DNAH2: variants seen among roughly 807,000 people sequenced by gnomAD.
The protein encoded by DNAH2 is dynein axonemal heavy chain 2.
In DNAH2, 323 loss-of-function variants were observed where a neutral mutation model predicts 523.5. The observed-to-expected ratio is 0.62, with a 90% CI of 0.56 to 0.68. The LOEUF (loss-of-function observed/expected upper bound fraction) is 0.68. Ranked by LOEUF, DNAH2 falls within the 30% of genes least tolerant of loss-of-function variation. DNAH2 has a pLI of 0.00. For synonymous variants in DNAH2, 2,093 were observed against 2,177.4 expected (o/e 0.96, Z 1.08); for missense variants, 4,907 against 5,701.5 (o/e 0.86, Z 4.49).
At chr17:7,738,046 G>A (rs1455855702) in intron 8 of DNAH2, 1 of 703,504 alleles carries the variant, frequency 1.4e-6, no homozygotes, top group Non-Finnish European at 2.6e-6. Flanking sequence ...CCAGCAAGGA[G>A]GACCTGCAAG....
At chr17:7,793,482 T>TCTTC in intron 48 of DNAH2, among the ~76,000 whole-genome samples, 1 of 135,166 alleles carries the variant, frequency 7.4e-6, no homozygotes, top group Admixed American at 7.5e-5. Context: ...TTTCTTTCTT[T>TCTTC]CTTTCTTTCT....
In DNAH2 at chr17:7,766,450, C is replaced by T. The variant is rs2076169885; in HGVS notation, c.3644C>T (p.Pro1215Leu). The change falls in exon 22 of 86, where the codon CCA (proline) becomes CTA (leucine). Residue 1215 changes from proline (P) to leucine (L), a missense_variant. By Grantham distance (98) the Pro-to-Leu change is moderately conservative. This residue lies in a region of DNAH2 where 2,806 missense variants were observed against 3,190.8 expected (regional missense o/e 0.88). Transcript: ENST00000572933. ...CTGGGCATCTTCAAGATCGAGCAGCCACCCTCCAAGGACCTTCAGAACCTG... is the reference window on the plus strand; with the variant it reads ...CTGGGCATCTTCAAGATCGAGCAGCTACCCTCCAAGGACCTTCAGAACCTG... Reference protein sequence around the residue: ...ANLGIFKIEQPPSKDLQNLEK... With the variant: ...ANLGIFKIEQLPSKDLQNLEK... 2 of 1,613,798 alleles carry T rather than the reference C, an allele frequency of 1.2e-6. No individual in the cohort carries two copies. The highest frequency in any genetic ancestry group is 1.7e-5 in the Admixed American group (1 of 59,996).
At chr17:7,757,353 C>T in intron 13 of DNAH2, 116 bp downstream of exon 13, 1 of 1,349,098 alleles carries the variant, frequency 7.4e-7, no homozygotes, top group Middle Eastern at 2.3e-4. Flanking sequence ...ACATCTTTTC[C>T]ATCTCAAAAA....
rs1003160173 is a variant in DNAH2, at chr17:7,764,154, G to T, written c.3217G>T (p.Val1073Phe). ...TCCGCAGACACTGGAGGAACTGGGG[G>T]TCAGCTTGCAGCTCGTGGATGCCCT... ...RPPQTLEELG[V>F]SLQLVDALKH... The change falls in exon 20 of 86, where the codon GTC (valine) becomes TTC (phenylalanine). Residue 1073 changes from valine to phenylalanine, a missense_variant. Transcript: ENST00000572933. 1 of 1,614,204 alleles carries T rather than the reference G, an allele frequency of 6.2e-7. No individual in the cohort carries two copies. The highest frequency in any genetic ancestry group is 8.5e-7 in the Non-Finnish European group (1 of 1,180,040).
chr17:7,832,786 T>G lies in DNAH2; in HGVS notation c.12903+31T>G, dbSNP rs199523399. On this transcript the variant is annotated intron_variant, in intron 83 of 85. Transcript: ENST00000572933. This position sits in a 1 kb window ranked among gnomAD's most constrained non-coding sequence, Gnocchi z 4.3. ...CAATGTGCAAAGTGTGAGGGGGGGA[T>G]GTATGCTGGGGCCATGTATGTGTTC... 6.2e-7 allele frequency: 1 copy of G among 1,614,064 alleles called. No homozygotes were observed. The highest frequency in any genetic ancestry group is 2.2e-5 in the East Asian group (1 of 44,862).
At chr17:7,824,841 A>C (rs559563669) in intron 77 of DNAH2, 114 bp downstream of exon 77, 40 of 861,106 alleles carry the variant, frequency 4.6e-5, no homozygotes, top group Non-Finnish European at 6.5e-5. Flanking sequence ...TCCTCAAAAA[A>C]TTCCACCTCA....
At chr17:7,764,392 G>T in intron 20 of DNAH2, 119 bp downstream of exon 20, 2 of 1,272,428 alleles carry the variant, frequency 1.6e-6, no homozygotes, top group Non-Finnish European at 1.1e-6. Context: ...CTCTAGATTT[G>T]AAAGCCAAAG....
chr17:7,821,782 C>T lies in DNAH2; in HGVS notation c.11142+413C>T, dbSNP rs1444575236. Among the ~76,000 whole-genome samples the T allele has an allele frequency of 6.6e-6, 1 of 152,288 alleles. No homozygotes were observed. The highest frequency in any genetic ancestry group is 1.5e-5 in the Non-Finnish European group (1 of 68,028). ...ATCCAGCTCCTCTTCCCCTCTGTCC[C>T]TGCGCGGCCAGTGCACTGAGCATGG... On this transcript the variant is annotated intron_variant, in intron 73 of 85. Coordinates refer to ENST00000572933, the MANE Select transcript of DNAH2 (RefSeq NM_020877.5). This position sits in a 1 kb window ranked among gnomAD's most constrained non-coding sequence, Gnocchi z 5.0.
chr17:7,824,182 C>A lies in DNAH2; in HGVS notation c.11540C>A (p.Pro3847His). 6.2e-7 allele frequency: 1 copy of A among 1,603,904 alleles called. No homozygotes were observed. ...LVFILSPGVD[P>H]TSALLQLAEH... ...TTCATCCTGTCCCCTGGTGTGGACCCCACCAGTGCCCTGCTGCAGCTGGCA... is the reference window on the plus strand; with the variant it reads ...TTCATCCTGTCCCCTGGTGTGGACCACACCAGTGCCCTGCTGCAGCTGGCA... Residue 3847 changes from proline (P) to histidine (H), a missense_variant, in exon 76 of 86, where the codon CCC (proline) becomes CAC (histidine). Transcript: ENST00000572933.
rs2076467771 is a variant in DNAH2 at position 7,776,873 on chromosome 17, T to C, written c.5042T>C (p.Val1681Ala). The part of the protein sequence containing the change: ...KERADKKILK[V>A]MKKNQVSILN... ...CGGGCAGACAAGAAAATCCTCAAGG[T>C]CATGAAGAAGAACCAGGTGAGAGGC... Residue 1681 changes from valine (V) to alanine (A), a missense_variant, in exon 32 of 86, where the codon GTC becomes GCC. Transcript: ENST00000572933. The C allele has an allele frequency of 6.2e-6, 10 of 1,611,256 alleles. No individual in the cohort carries two copies. The Admixed American group carries it at 1.5e-4, about 24-fold the overall frequency.
rs866209734 is a variant in DNAH2 at position 7,738,172 on chromosome 17, G to C, written c.1170+914G>C. 1.3e-5 allele frequency: 9 copies of C among 697,652 alleles called. No individual in the cohort carries two copies. The Middle Eastern group carries it at 2.1e-3, about 160-fold the overall frequency. The allele number at this position is 697,652 out of a possible 1,614,324, so 43.2% of individuals were successfully genotyped here. A position where few individuals can be genotyped will look rare whatever the true frequency, so the allele number is the denominator to read the frequency against. On this transcript the variant is annotated intron_variant, in intron 8 of 85. Transcript: ENST00000572933. Reference sequence around the variant, plus strand: ...ATGTCTCAACTCCCTTGTCAGCCCTGTAAGAGGGTAGATTCTGACTTCTTT... The same window carrying C: ...ATGTCTCAACTCCCTTGTCAGCCCTCTAAGAGGGTAGATTCTGACTTCTTT...
Position 7,780,768 on chromosome 17 carries a change from C to CT in DNAH2, c.5990dup (p.Thr1998AspfsTer2), listed in dbSNP as rs759385352. 6.2e-7 allele frequency: 1 copy of CT among 1,614,232 alleles called. No individual in the cohort carries two copies. The highest frequency in any genetic ancestry group is 8.5e-7 in the Non-Finnish European group (1 of 1,180,048). Reference sequence around the variant, plus strand: ...CAAGAAGCGCCGCCTACAGCCGGATCTGACTGATGAAGAGGTAGAGCAAGG... The same window carrying CT: ...CAAGAAGCGCCGCCTACAGCCGGATCTTGACTGATGAAGAGGTAGAGCAAGG... On this transcript the variant is annotated frameshift_variant, in exon 38 of 86. Coordinates refer to ENST00000572933, the MANE Select transcript of DNAH2 (RefSeq NM_020877.5). LOFTEE classifies it high-confidence loss of function. This position sits in a 1 kb window ranked among gnomAD's most constrained non-coding sequence, Gnocchi z 4.4.
chr17:7,728,099 C>T (rs1368569640), intron 4 of DNAH2, among the ~76,000 whole-genome samples: 1 of 152,114 alleles, frequency 6.6e-6, no homozygotes, highest in African/African-American at 2.4e-5. Flanking sequence ...TGGCCGCTAT[C>T]CCAGAGAGTG....
At chr17:7,769,082 T>C (rs1172401071) in intron 24 of DNAH2, among the ~76,000 whole-genome samples, 5 of 152,220 alleles carry the variant, frequency 3.3e-5, no homozygotes. Context: ...TGCTGGCTTC[T>C]TGTTCTCTGA....
At position 7,756,937 on chromosome 17, in the gene DNAH2, C is replaced by T. The variant is rs372889797; in HGVS notation, c.1905-154C>T. On this transcript the variant is annotated intron_variant, in intron 12 of 85. Coordinates refer to ENST00000572933, the MANE Select transcript of DNAH2 (RefSeq NM_020877.5). The stretch of plus-strand genomic sequence containing the variant: ...CCGCCTGCCTCGGCCCCACAAAGTG[C>T]TGGGATTACAGGCGTGAGCCACCAT... 4.9e-4 allele frequency among the ~76,000 whole-genome samples: 75 copies of T among 152,360 alleles called. 3 individuals are homozygous for T. The South Asian group carries it at 0.015, about 30-fold the overall frequency.
At chr17:7,792,101 C>G (rs2076913257) in intron 45 of DNAH2, 32 bp downstream of exon 45, 4 of 1,611,092 alleles carry the variant, frequency 2.5e-6, no homozygotes, top group Non-Finnish European at 3.4e-6. Flanking sequence ...CCTATTTGCC[C>G]TGTTTTTCCA....
chr17:7,801,987 A>G lies in DNAH2; in HGVS notation c.8942A>G (p.Lys2981Arg). Reference sequence around the variant, plus strand: ...AGACACAACTATGTCACACCCACCAAATACCTGGAACTCCTGTCTGGATAT... The same window carrying G: ...AGACACAACTATGTCACACCCACCAGATACCTGGAACTCCTGTCTGGATAT... ...LRRHNYVTPT[K>R]YLELLSGYKK... Residue 2981 changes from lysine (K) to arginine (R), a missense_variant, in exon 58 of 86, where the codon AAA (lysine) becomes AGA (arginine). Around this residue, in one of 3 missense-constraint regions of DNAH2, gnomAD observed 1,851 missense variants for 2,139.4 expected, o/e 0.87. Transcript: ENST00000572933. The G allele has an allele frequency of 6.2e-7, 1 of 1,614,146 alleles. No homozygotes were observed. Among genetic ancestry groups the G allele is most frequent in the Non-Finnish European group, 8.5e-7 (1 of 1,180,034 alleles).
chr17:7,724,390 T>C (rs766209348), intron 3 of DNAH2, among the ~76,000 whole-genome samples: 18 of 152,028 alleles, frequency 1.2e-4, no homozygotes, highest in Non-Finnish European at 2.6e-4. Context: ...GATGCCGAGG[T>C]GGGTGGATCA....
At chr17:7,723,716 A>C in intron 3 of DNAH2, 27 bp downstream of exon 3, 1 of 1,605,682 alleles carries the variant, frequency 6.2e-7, no homozygotes, top group Non-Finnish European at 8.5e-7. Context: ...CCTGTGGCAG[A>C]TATTCCTCCC....
Sources: gnomAD v4.1 joint callset for allele counts (sites outside exome capture counted in the v4.1 genomes callset) on GRCh38, gnomAD v4.1.1 for gene constraint, gnomAD v4.1.1 regional missense constraint, Gnocchi (gnomAD v3.1) non-coding constraint, MANE v1.5 for transcripts, NCBI Gene and HGNC (gene_info 2026-07-23, HGNC 2026-07-21) for gene names.